Variants in ATP8A2 observed in about 807,000 individuals in gnomAD.
ATP8A2 encodes the protein ATPase phospholipid transporting 8A2, also known as phospholipid-transporting ATPase IB.
ATP8A2 carries 100 observed loss-of-function variants against 165.6 expected under a neutral mutation model. That is an observed-to-expected ratio of 0.60 (90% confidence interval 0.51 to 0.71). ATP8A2 has a LOEUF of 0.71. Ranked by LOEUF, ATP8A2 falls within the 30% of genes least tolerant of loss-of-function variation. The pLI, the probability that ATP8A2 is intolerant of heterozygous loss-of-function variation, is 0.00. For synonymous variants in ATP8A2, 543 were observed against 548.8 expected, an observed-to-expected ratio of 0.99 and a Z score of 0.15; for missense variants, 1,227 against 1,479.5, an observed-to-expected ratio of 0.83 and a Z score of 2.80.
intron 27 of ATP8A2, among the ~76,000 whole-genome samples, chr13:25,809,557 C>T (rs1008167050): frequency 1.3e-5 from 2 of 152,048 alleles, no homozygotes; most frequent in Admixed American, 6.6e-5. Flanking sequence ...TTATTATGCT[C>T]CAGCTGTATT....
intron 34 of ATP8A2, among the ~76,000 whole-genome samples, chr13:25,967,691 A>C (rs1955811400): frequency 6.6e-6 from 1 of 152,168 alleles, no homozygotes; most frequent in Admixed American, 6.5e-5. Context: ...TCTCTTATAT[A>C]ACCTATATCT....
At chr13:25,902,588 A>G (rs1424337064) in intron 33 of ATP8A2, among the ~76,000 whole-genome samples, 1 of 151,890 alleles carries the variant, frequency 6.6e-6, no homozygotes, top group Non-Finnish European at 1.5e-5. Context: ...AAAAAACAAA[A>G]AAGAATTCCC....
chr13:25,567,453 G>C (rs1003585446), intron 16 of ATP8A2: 1 of 453,044 alleles, frequency 2.2e-6, no homozygotes, highest in East Asian at 7.0e-5. Flanking sequence ...GCCCTCCTGA[G>C]CCAAATTTCT....
intron 1 of ATP8A2, among the ~76,000 whole-genome samples, chr13:25,430,506 T>C (rs1160596853): frequency 1.3e-5 from 2 of 152,194 alleles, no homozygotes; most frequent in African/African-American, 4.8e-5. Context: ...AGAAGGCCAC[T>C]GTAGTCGACT....
At position 25,793,248 on chromosome 13, in the gene ATP8A2, A is replaced by T. The variant is rs369458092; in HGVS notation, c.2679+18289A>T. On this transcript the variant is annotated intron_variant, in intron 27 of 36. Coordinates refer to ENST00000381655, the MANE Select transcript of ATP8A2 (RefSeq NM_016529.6). ...AAGTGATCAAGTGACCATCAGTACA[A>T]AGACTTTTTCACATACCTGTTTTAA... Among the ~76,000 whole-genome samples the T allele has an allele frequency of 7.9e-4, 120 of 152,314 alleles. 1 individual carries two copies. The highest frequency in any genetic ancestry group is 3.1e-3 in the South Asian group (15 of 4,824).
intron 30 of ATP8A2, among the ~76,000 whole-genome samples, chr13:25,844,237 T>G (rs1593437334): frequency 1.7e-5 from 1 of 58,236 alleles, no homozygotes; most frequent in Admixed American, 2.2e-4. Context: ...CTTATTACAC[T>G]TTTTTTTTTT....
chr13:25,657,202 G>C (rs1044399416), intron 24 of ATP8A2, among the ~76,000 whole-genome samples: 3 of 152,038 alleles, frequency 2.0e-5, no homozygotes, highest in African/African-American at 7.2e-5. Flanking sequence ...AAATGAGTTT[G>C]GTGTTCAGGT....
In ATP8A2 at chr13:25,907,308, C is replaced by T. The variant is rs530196168; in HGVS notation, c.3183+44900C>T. On this transcript the variant is annotated intron_variant, in intron 33 of 36. Coordinates refer to ENST00000381655, the MANE Select transcript of ATP8A2 (RefSeq NM_016529.6). ...AAAGCAAGACTCCATGTGGAGATCACGCCAGTGCACTCCAGCCTGGCAGGA... is the reference window on the plus strand; with the variant it reads ...AAAGCAAGACTCCATGTGGAGATCATGCCAGTGCACTCCAGCCTGGCAGGA... Among the ~76,000 whole-genome samples the T allele has an allele frequency of 3.3e-5, 5 of 152,116 alleles. No individual in the cohort carries two copies. In the South Asian group the frequency reaches 8.3e-4, roughly 25 times the overall value.
chr13:26,017,007 G>A (rs977660259), intron 36 of ATP8A2, among the ~76,000 whole-genome samples: 1 of 152,138 alleles, frequency 6.6e-6, no homozygotes, highest in African/African-American at 2.4e-5. Flanking sequence ...TTTGTTTCCT[G>A]GCCACCACCC....
chr13:25,491,738 G>C (rs1181921493), intron 2 of ATP8A2, among the ~76,000 whole-genome samples: 1 of 152,146 alleles, frequency 6.6e-6, no homozygotes, highest in Non-Finnish European at 1.5e-5. Context: ...ATTTTTCCTA[G>C]ATTCTTACAA....
intron 2 of ATP8A2, among the ~76,000 whole-genome samples, chr13:25,507,675 G>T (rs1044852625): frequency 5.3e-5 from 8 of 152,182 alleles, no homozygotes; most frequent in African/African-American, 9.6e-5. Flanking sequence ...ATTAAAGACT[G>T]ACATAAAAAA....
intron 2 of ATP8A2, among the ~76,000 whole-genome samples, chr13:25,471,219 C>T (rs2035834878): frequency 6.6e-6 from 1 of 151,712 alleles, no homozygotes; most frequent in African/African-American, 2.4e-5. Flanking sequence ...AGTGTGTTTT[C>T]AAGATGTATT....
intron 1 of ATP8A2, among the ~76,000 whole-genome samples, chr13:25,379,550 T>C (rs2032761433): frequency 6.6e-6 from 1 of 152,240 alleles, no homozygotes; most frequent in Non-Finnish European, 1.5e-5. Context: ...CTATTTTTAG[T>C]CACATAATGA....
At chr13:25,716,604 G>A (rs1306036686) in intron 25 of ATP8A2, among the ~76,000 whole-genome samples, 1 of 152,222 alleles carries the variant, frequency 6.6e-6, no homozygotes, top group Non-Finnish European at 1.5e-5. Context: ...GTCTTGGCCA[G>A]ATGTATATTT....
chr13:25,783,188 A>G (rs896564369), intron 27 of ATP8A2, among the ~76,000 whole-genome samples: 2 of 152,158 alleles, frequency 1.3e-5, no homozygotes, highest in African/African-American at 2.4e-5. Context: ...TGTGTGCACA[A>G]AGACCTCTGC....
At chr13:25,677,795 T>C (rs534329590) in intron 24 of ATP8A2, among the ~76,000 whole-genome samples, 27 of 152,230 alleles carry the variant, frequency 1.8e-4, no homozygotes, top group Non-Finnish European at 3.7e-4. Context: ...AAAGAGAACA[T>C]GAAGGAGTGG....
intron 25 of ATP8A2, among the ~76,000 whole-genome samples, chr13:25,745,950 A>G (rs1017862300): frequency 6.6e-6 from 1 of 152,234 alleles, no homozygotes; most frequent in Non-Finnish European, 1.5e-5. Context: ...CAGGAGGCTG[A>G]CTACATCCTA....
chr13:25,581,679 C>A, intron 22 of ATP8A2, 140 bp from the exon 23 acceptor site: 1 of 820,162 alleles, frequency 1.2e-6, no homozygotes, highest in South Asian at 1.5e-5. Flanking sequence ...CATCCAGATG[C>A]CATCTGTAGA....
chr13:25,775,249 T>C (rs1278940907), intron 27 of ATP8A2, among the ~76,000 whole-genome samples: 1 of 152,206 alleles, frequency 6.6e-6, no homozygotes, highest in Non-Finnish European at 1.5e-5. Flanking sequence ...CCTCTTCCTC[T>C]GTGTCCTTGG....
Sources: gnomAD v4.1 joint callset for allele counts (sites outside exome capture counted in the v4.1 genomes callset) on GRCh38, gnomAD v4.1.1 for gene constraint, MANE v1.5 for transcripts, NCBI Gene and HGNC (gene_info 2026-07-23, HGNC 2026-07-21) for gene names.